CFAP20DC: variants seen among roughly 807,000 people sequenced by gnomAD.
CFAP20DC encodes CFAP20 domain containing, also known as protein CFAP20DC.
In CFAP20DC, 84 loss-of-function variants were observed where a neutral mutation model predicts 101.7. That is an observed-to-expected ratio of 0.83 (90% CI 0.69 to 0.99). CFAP20DC has a LOEUF of 0.99. CFAP20DC is among the 50% of genes least tolerant of loss of function. The pLI, the probability that CFAP20DC is intolerant of heterozygous loss-of-function variation, is 0.00. For missense variants in CFAP20DC, 1,007 were observed against 970.3 expected (o/e 1.04, Z -0.50); for synonymous variants, 359 against 351.2 (o/e 1.02, Z -0.25).
At chr3:58,946,417 C>T (rs750151741) in intron 4 of CFAP20DC, among the ~76,000 whole-genome samples, 19 of 152,086 alleles carry the variant, frequency 1.2e-4, no homozygotes, top group Non-Finnish European at 1.9e-4. Flanking sequence ...AACCCAGCCC[C>T]CAGTGTTTTA....
intron 4 of CFAP20DC, among the ~76,000 whole-genome samples, chr3:59,035,831 C>T (rs1399694574): frequency 6.6e-6 from 1 of 152,166 alleles, no homozygotes. Flanking sequence ...AGGGACTCCT[C>T]CCTAACTCAT....
At chr3:58,961,287 C>T (rs1422345352) in intron 4 of CFAP20DC, among the ~76,000 whole-genome samples, 3 of 152,168 alleles carry the variant, frequency 2.0e-5, no homozygotes, top group East Asian at 1.9e-4. Flanking sequence ...GGTGCGGTGG[C>T]TCACGCCTGT....
At chr3:58,876,073 T>G (rs2080727502) in intron 7 of CFAP20DC, among the ~76,000 whole-genome samples, 3 of 152,182 alleles carry the variant, frequency 2.0e-5, no homozygotes, top group Admixed American at 1.3e-4. Flanking sequence ...TTAATGTTTA[T>G]TTTTAAAAAT....
At chr3:59,029,194 C>G (rs193289241) in intron 4 of CFAP20DC, among the ~76,000 whole-genome samples, 6 of 152,112 alleles carry the variant, frequency 3.9e-5, no homozygotes, top group African/African-American at 7.2e-5. Flanking sequence ...TATTTCAGAG[C>G]CTATTACGTG....
chr3:58,814,150 A>T (rs1384366193), intron 14 of CFAP20DC, among the ~76,000 whole-genome samples: 2 of 151,816 alleles, frequency 1.3e-5, no homozygotes, highest in Non-Finnish European at 2.9e-5. Flanking sequence ...TCTAAGCATC[A>T]CAGACCTGAT....
At chr3:58,739,089 G>A (rs2067823299), downstream of CFAP20DC, among the ~76,000 whole-genome samples, 1 of 152,056 alleles carries the variant, frequency 6.6e-6, no homozygotes, top group Non-Finnish European at 1.5e-5. Flanking sequence ...AAATATAATA[G>A]GGCAAGATTT....
intron 14 of CFAP20DC, among the ~76,000 whole-genome samples, chr3:58,808,653 C>T (rs541326325): frequency 3.3e-5 from 5 of 152,312 alleles, no homozygotes; most frequent in African/African-American, 1.2e-4. Flanking sequence ...GAAACTCCAT[C>T]AACTAATGAG....
rs564918015 is a variant in CFAP20DC at position 58,797,596 on chromosome 3, G to C, written c.2237+8799C>G. 3.9e-5 allele frequency among the ~76,000 whole-genome samples: 6 copies of C among 152,310 alleles called. No individual in the cohort carries two copies. The East Asian group carries it at 1.2e-3, about 29-fold the overall frequency. ...AGAAGCTGCAGCAAGTTATCCAGGA[G>C]ATCTAGCTACAATCATTGATGAAGG... On this transcript the variant is annotated intron_variant, in intron 15 of 16. Coordinates refer to ENST00000482387, the MANE Select transcript of CFAP20DC (RefSeq NM_001394063.1).
chr3:58,837,582 T>C (rs2076824215), intron 13 of CFAP20DC, among the ~76,000 whole-genome samples: 1 of 152,168 alleles, frequency 6.6e-6, no homozygotes, highest in South Asian at 2.1e-4. Flanking sequence ...AGGCTTATAA[T>C]ATGCACACTT....
intron 4 of CFAP20DC, among the ~76,000 whole-genome samples, chr3:58,980,162 T>C (rs956573668): frequency 6.6e-6 from 1 of 152,188 alleles, no homozygotes; most frequent in African/African-American, 2.4e-5. Flanking sequence ...GGCTTCCCAC[T>C]ACCGAGCTTG....
intron 6 of CFAP20DC, among the ~76,000 whole-genome samples, chr3:58,908,629 G>A (rs1425337194): frequency 6.6e-6 from 1 of 152,158 alleles, no homozygotes; most frequent in Non-Finnish European, 1.5e-5. Flanking sequence ...TTACCATACA[G>A]TCCAGCAACC....
intron 4 of CFAP20DC, among the ~76,000 whole-genome samples, chr3:58,948,126 T>C (rs894499821): frequency 6.6e-6 from 1 of 152,238 alleles, no homozygotes; most frequent in South Asian, 2.1e-4. Context: ...GTGCAGCTGA[T>C]AGCAGAGGTG....
intron 3 of CFAP20DC, among the ~76,000 whole-genome samples, chr3:58,733,489 A>G (rs2067687787): frequency 1.3e-5 from 2 of 152,222 alleles, no homozygotes; most frequent in South Asian, 2.1e-4. Context: ...ATAATCCTAC[A>G]CCATACCATG....
At chr3:59,047,048 G>T in intron 2 of CFAP20DC, 117 bp downstream of exon 2, 1 of 668,514 alleles carries the variant, frequency 1.5e-6, no homozygotes. Context: ...GTCATGAAAG[G>T]GTTTTGGAGT....
At chr3:59,036,697 A>G (rs927893668) in intron 4 of CFAP20DC, among the ~76,000 whole-genome samples, 10 of 152,242 alleles carry the variant, frequency 6.6e-5, no homozygotes, top group Non-Finnish European at 1.3e-4. Flanking sequence ...AAGAATCAAT[A>G]TTGTGAAAAT....
chr3:58,803,748 G>T (rs1165973082), intron 15 of CFAP20DC, among the ~76,000 whole-genome samples: 1 of 152,162 alleles, frequency 6.6e-6, no homozygotes. Flanking sequence ...TAGGAAACTG[G>T]TAGATAACTT....
chr3:58,871,863 A>C (rs73837992), intron 7 of CFAP20DC, among the ~76,000 whole-genome samples: 5,999 of 152,068 alleles, frequency 0.039, 381 homozygotes, highest in African/African-American at 0.13. Flanking sequence ...AACTGTGAGA[A>C]GTTTCAGCCA....
chr3:58,752,661 C>T (rs1479921582), intron 16 of CFAP20DC, among the ~76,000 whole-genome samples: 1 of 152,094 alleles, frequency 6.6e-6, no homozygotes, highest in African/African-American at 2.4e-5. Context: ...ATTATAAATG[C>T]ACACCTCTAA....
At chr3:58,810,909 AAC>A (rs2074565672) in intron 14 of CFAP20DC, among the ~76,000 whole-genome samples, 1 of 151,904 alleles carries the variant, frequency 6.6e-6, no homozygotes, top group Non-Finnish European at 1.5e-5. Context: ...ATACACCAAT[AAC>A]AGGCAAACAG....
Sources: allele counts gnomAD v4.1 joint callset (sites outside exome capture counted in the v4.1 genomes callset), GRCh38; gene constraint gnomAD v4.1.1; transcripts MANE v1.5; gene names NCBI Gene and HGNC (gene_info 2026-07-23, HGNC 2026-07-21).